CSMD1: variants seen among roughly 807,000 people sequenced by gnomAD.
CSMD1 encodes the protein CUB and Sushi multiple domains 1.
A neutral mutation model predicts 417.5 loss-of-function variants in CSMD1; 213 were observed. That is an observed-to-expected ratio of 0.51 (90% CI 0.46 to 0.57). The LOEUF (loss-of-function observed/expected upper bound fraction) is 0.57. Ranked by LOEUF, CSMD1 falls within the 20% of genes least tolerant of loss-of-function variation. The pLI is 0.00. For synonymous variants in CSMD1, 2,862 were observed against 1,736.8 expected, an observed-to-expected ratio of 1.65 and a Z score of -16.11; for missense variants, 6,923 against 4,529.7, an observed-to-expected ratio of 1.53 and a Z score of -15.17.
intron 19 of CSMD1, among the ~76,000 whole-genome samples, chr8:3,368,611 T>A (rs1809754502): frequency 6.6e-6 from 1 of 152,154 alleles, no homozygotes; most frequent in South Asian, 2.1e-4. Flanking sequence ...ACTGCTGGGA[T>A]TACAAGCGTG....
intron 33 of CSMD1, among the ~76,000 whole-genome samples, chr8:3,193,347 T>G (rs1474552488): frequency 3.3e-5 from 5 of 152,098 alleles, no homozygotes; most frequent in Non-Finnish European, 7.4e-5. Flanking sequence ...AAAAATGTTT[T>G]TTAGAGGAAG....
chr8:4,762,421 T>G (rs371158560), intron 1 of CSMD1, among the ~76,000 whole-genome samples: 36 of 152,324 alleles, frequency 2.4e-4, no homozygotes, highest in African/African-American at 7.5e-4. Context: ...TATATTTTCA[T>G]GCTATATCAA....
chr8:3,356,548 G>A (rs1027045916), intron 21 of CSMD1, among the ~76,000 whole-genome samples: 10 of 152,172 alleles, frequency 6.6e-5, no homozygotes, highest in Non-Finnish European at 1.5e-4. Context: ...GGTGGCATGT[G>A]CCTGTAGTCC....
chr8:4,838,007 G>T (rs964173515), intron 1 of CSMD1, among the ~76,000 whole-genome samples: 1 of 152,166 alleles, frequency 6.6e-6, no homozygotes, highest in Non-Finnish European at 1.5e-5. Context: ...CATTCTCTCT[G>T]TTCTATGGGC....
At chr8:3,617,563 G>C (rs1402100166) in intron 7 of CSMD1, among the ~76,000 whole-genome samples, 1 of 152,102 alleles carries the variant, frequency 6.6e-6, no homozygotes, top group East Asian at 1.9e-4. Context: ...GTACTTCTGG[G>C]AAACATTACA....
chr8:3,454,090 C>T (rs1040028763), intron 12 of CSMD1, among the ~76,000 whole-genome samples: 2 of 152,068 alleles, frequency 1.3e-5, no homozygotes, highest in Non-Finnish European at 2.9e-5. Context: ...CTCTTTTGAT[C>T]TTTGTTGGTT....
At chr8:4,032,930 T>A (rs1338532221) in intron 3 of CSMD1, among the ~76,000 whole-genome samples, 1 of 152,026 alleles carries the variant, frequency 6.6e-6, no homozygotes, top group African/African-American at 2.4e-5. Flanking sequence ...CTCTTCCCTG[T>A]TGGAATTACT....
chr8:4,256,937 C>A (rs1469161931), intron 3 of CSMD1, among the ~76,000 whole-genome samples: 1 of 152,284 alleles, frequency 6.6e-6, no homozygotes, highest in East Asian at 1.9e-4. Context: ...CGCTTTCCCT[C>A]CGTGGGCTGC....
At position 3,570,055 on chromosome 8, in the gene CSMD1, GGA is replaced by G. The variant is rs1263771284; in HGVS notation, c.1344+4888_1344+4889del. 2.0e-5 allele frequency among the ~76,000 whole-genome samples: 3 copies of G among 152,132 alleles called. No individual in the cohort carries two copies. In the East Asian group the frequency reaches 5.8e-4, roughly 29 times the overall value. ...AGAGAGAAAAAATAAACTTCTAAAA[GGA>G]GAGAAGAGAATTGTATAAACCCAAG... On this transcript the variant is annotated intron_variant, in intron 10 of 69. Coordinates refer to ENST00000635120, the MANE Select transcript of CSMD1 (RefSeq NM_033225.6).
intron 51 of CSMD1, among the ~76,000 whole-genome samples, chr8:3,023,845 C>T (rs1198760466): frequency 1.4e-5 from 2 of 144,094 alleles, no homozygotes; most frequent in Non-Finnish European, 1.5e-5. Flanking sequence ...AAAATGAACA[C>T]TGGGGAGTCA....
intron 1 of CSMD1, among the ~76,000 whole-genome samples, chr8:4,856,652 A>T (rs985318442): frequency 2.2e-4 from 32 of 148,320 alleles, no homozygotes; most frequent in Admixed American, 8.0e-4. Flanking sequence ...ACCAACAAAG[A>T]TCAAAAGAGA....
At chr8:4,004,283 G>C (rs748042717) in intron 4 of CSMD1, among the ~76,000 whole-genome samples, 1 of 152,148 alleles carries the variant, frequency 6.6e-6, no homozygotes, top group African/African-American at 2.4e-5. Context: ...CATGAATAAT[G>C]AATGAAACTT....
At chr8:3,820,694 G>C (rs1585045731) in intron 5 of CSMD1, among the ~76,000 whole-genome samples, 1 of 152,092 alleles carries the variant, frequency 6.6e-6, no homozygotes, top group Admixed American at 6.5e-5. Flanking sequence ...TCTTGCCTTA[G>C]CCTCCTGAGT....
intron 6 of CSMD1, among the ~76,000 whole-genome samples, chr8:3,730,370 A>ATTTTTTT (rs374243053): frequency 3.8e-5 from 5 of 131,856 alleles, no homozygotes; most frequent in African/African-American, 8.3e-5. Flanking sequence ...TTAAGGAGCG[A>ATTTTTTT]TTTTTTTTTT....
chr8:4,740,948 A>G (rs1810563503), intron 1 of CSMD1, among the ~76,000 whole-genome samples: 1 of 152,220 alleles, frequency 6.6e-6, no homozygotes, highest in Admixed American at 6.5e-5. Context: ...TTATTAACAT[A>G]TATTAAAAAC....
intron 31 of CSMD1, among the ~76,000 whole-genome samples, chr8:3,202,368 C>T (rs1203860041): frequency 6.6e-6 from 1 of 152,172 alleles, no homozygotes; most frequent in African/African-American, 2.4e-5. Flanking sequence ...ACACGTGATT[C>T]TCTGGCATAT....
intron 5 of CSMD1, among the ~76,000 whole-genome samples, chr8:3,979,926 C>G (rs1461499996): frequency 6.6e-6 from 1 of 152,164 alleles, no homozygotes; most frequent in Non-Finnish European, 1.5e-5. Context: ...GACCCTTTGT[C>G]CTCAATAATA....
chr8:2,979,877 A>C (rs1805259380), intron 54 of CSMD1, among the ~76,000 whole-genome samples: 1 of 152,264 alleles, frequency 6.6e-6, no homozygotes, highest in African/African-American at 2.4e-5. Flanking sequence ...AATAATTTTT[A>C]AGGCATGTAC....
chr8:3,692,261 C>G (rs1475922551), intron 7 of CSMD1, among the ~76,000 whole-genome samples: 2 of 152,120 alleles, frequency 1.3e-5, no homozygotes, highest in Admixed American at 6.5e-5. Context: ...CGCTATCCTG[C>G]GATTTCACCA....
Sources: gnomAD v4.1 joint callset for allele counts (sites outside exome capture counted in the v4.1 genomes callset) on GRCh38, gnomAD v4.1.1 for gene constraint, MANE v1.5 for transcripts, NCBI Gene and HGNC (gene_info 2026-07-23, HGNC 2026-07-21) for gene names.